The following KAT6B variants were observed in gnomAD, a reference collection of about 807,000 sequenced individuals.
The protein encoded by KAT6B is histone acetyltransferase KAT6B.
Under a neutral mutation model 187.5 loss-of-function variants are expected in KAT6B, and 10 were observed. That is an observed-to-expected ratio of 0.05 (90% CI 0.03 to 0.09). The LOEUF (loss-of-function observed/expected upper bound fraction) is 0.09, where lower values mean the gene tolerates loss of function less well. KAT6B is among the 10% of genes least tolerant of loss of function. The pLI is 1.00. For synonymous variants in KAT6B, 861 were observed against 926.8 expected, an observed-to-expected ratio of 0.93 and a Z score of 1.29; for missense variants, 1,952 against 2,558.9, an observed-to-expected ratio of 0.76 and a Z score of 5.12.
intron 3 of KAT6B, among the ~76,000 whole-genome samples, chr10:74,916,743 T>G (rs147494798): frequency 1.3e-5 from 2 of 152,126 alleles, no homozygotes; most frequent in East Asian, 3.9e-4. Flanking sequence ...AGTGTAGATA[T>G]GGCAGTGGTT....
At chr10:75,021,573 AATTG>A (rs1165682348) in intron 15 of KAT6B, among the ~76,000 whole-genome samples, 3 of 152,212 alleles carry the variant, frequency 2.0e-5, no homozygotes, top group Non-Finnish European at 4.4e-5. Context: ...CTGCAGTGTC[AATTG>A]ATTCTTTGTG....
At chr10:74,896,124 C>T (rs1211342464) in intron 3 of KAT6B, among the ~76,000 whole-genome samples, 1 of 152,110 alleles carries the variant, frequency 6.6e-6, no homozygotes, top group Non-Finnish European at 1.5e-5. Flanking sequence ...AGGTACAGCC[C>T]AGGTTAGCAC....
At chr10:74,977,926 G>A (rs1262176299) in intron 9 of KAT6B, among the ~76,000 whole-genome samples, 1 of 151,982 alleles carries the variant, frequency 6.6e-6, no homozygotes, top group Admixed American at 6.6e-5. Flanking sequence ...TATTTTTATT[G>A]TCCAGTAATT....
At chr10:74,840,351 A>G (rs1473064962) in intron 2 of KAT6B, among the ~76,000 whole-genome samples, 2 of 152,202 alleles carry the variant, frequency 1.3e-5, no homozygotes, top group African/African-American at 2.4e-5. Context: ...TGGAGGTAGC[A>G]TGGGGTTTTG....
chr10:74,842,457 C>T (rs1209275845), intron 2 of KAT6B, 143 bp from the exon 3 acceptor site: 3 of 444,330 alleles, frequency 6.8e-6, no homozygotes, highest in African/African-American at 2.0e-5. Context: ...AAAATATAGT[C>T]ACTGTGGCTG....
At chr10:74,921,038 G>A (rs566575020) in intron 3 of KAT6B, among the ~76,000 whole-genome samples, 1 of 150,716 alleles carries the variant, frequency 6.6e-6, no homozygotes, top group South Asian at 2.1e-4. Context: ...TTGATTTGTT[G>A]TGGATTTTTT....
At position 74,915,103 on chromosome 10, in the gene KAT6B, T is replaced by TA. The variant is rs1021505613; in HGVS notation, c.622-44857dup. Among the ~76,000 whole-genome samples, 197 of 150,856 alleles carry TA rather than the reference T, an allele frequency of 1.3e-3. 1 individual carries two copies. Among genetic ancestry groups the TA allele is most frequent in the African/African-American group, 4.4e-3 (180 of 41,186 alleles). ...CAATGGAGCAAAACCTTGTTTCCTT[T>TA]AAAAAAAAAATTTATTAAAACATGC... is the stretch of plus-strand genomic sequence containing the variant. On this transcript the variant is annotated intron_variant, in intron 3 of 17. Transcript: ENST00000287239.
At chr10:74,848,867 T>C (rs1467554458) in intron 3 of KAT6B, among the ~76,000 whole-genome samples, 1 of 152,252 alleles carries the variant, frequency 6.6e-6, no homozygotes, top group Admixed American at 6.5e-5. Flanking sequence ...TTGAAAAGAT[T>C]ATCATTGTTC....
intron 1 of KAT6B, among the ~76,000 whole-genome samples, chr10:74,832,831 A>G (rs1250077627): frequency 1.3e-5 from 2 of 151,818 alleles, no homozygotes; most frequent in Non-Finnish European, 2.9e-5. Flanking sequence ...TTTTTTAAAA[A>G]TCACATTTTT....
At chr10:75,026,585 A>G (rs181957906) in intron 17 of KAT6B, among the ~76,000 whole-genome samples, 1 of 151,246 alleles carries the variant, frequency 6.6e-6, no homozygotes, top group Non-Finnish European at 1.5e-5. Flanking sequence ...TGAAGGAATG[A>G]CTTCTTACCC....
intron 3 of KAT6B, among the ~76,000 whole-genome samples, chr10:74,916,582 G>A (rs1489273344): frequency 6.6e-6 from 1 of 152,110 alleles, no homozygotes; most frequent in Admixed American, 6.5e-5. Context: ...TGAGAGTTGT[G>A]TATTGCTATT....
At chr10:74,868,345 A>G (rs1843690008) in intron 3 of KAT6B, among the ~76,000 whole-genome samples, 1 of 152,178 alleles carries the variant, frequency 6.6e-6, no homozygotes. Flanking sequence ...ACTGGAATAA[A>G]TCTGCCATAT....
At chr10:74,898,524 C>T (rs1846145438) in intron 3 of KAT6B, among the ~76,000 whole-genome samples, 1 of 152,006 alleles carries the variant, frequency 6.6e-6, no homozygotes, top group Non-Finnish European at 1.5e-5. Flanking sequence ...GATCATTGCT[C>T]ACCATAGCCT....
At chr10:74,979,144 T>C (rs1842350184) in intron 9 of KAT6B, 80 bp from the exon 10 acceptor site, 2 of 921,926 alleles carry the variant, frequency 2.2e-6, no homozygotes, top group Admixed American at 4.0e-5. Flanking sequence ...TCTTGATAAG[T>C]TTTGATAGTC....
Position 75,031,808 on chromosome 10 carries a change from T to A in KAT6B, c.*762T>A, listed in dbSNP as rs976774694. 3 of 204,784 alleles carry A rather than the reference T, an allele frequency of 1.5e-5. No individual in the cohort carries two copies. Among genetic ancestry groups the A allele is most frequent in the Non-Finnish European group, 3.0e-5 (3 of 99,882 alleles). The allele number at this position is 204,784 out of a possible 1,614,324, so 12.7% of individuals were successfully genotyped here. ...TAAATGCAGACTTCTGTTTATTGAA[T>A]GAAGCATATCTCAGTGTTTATCTGT... On this transcript the variant is annotated 3_prime_UTR_variant, in exon 18 of 18. Coordinates refer to ENST00000287239, the MANE Select transcript of KAT6B (RefSeq NM_012330.4).
intron 3 of KAT6B, among the ~76,000 whole-genome samples, chr10:74,849,518 C>T (rs987359302): frequency 3.3e-5 from 5 of 152,012 alleles, no homozygotes; most frequent in Admixed American, 1.3e-4. Context: ...GTCTCGAACT[C>T]GTGATCTCAA....
chr10:74,856,684 A>T (rs1411689693), intron 3 of KAT6B, among the ~76,000 whole-genome samples: 3 of 152,068 alleles, frequency 2.0e-5, no homozygotes, highest in Non-Finnish European at 4.4e-5. Flanking sequence ...GGACTGATTG[A>T]GCTCAGAAGT....
At position 74,976,009 on chromosome 10, in the gene KAT6B, C is replaced by G; in HGVS notation, c.1672C>G (p.Arg558Gly). ...SHIYTTQGQS[R>G]KKGHPSYAPP... ...TATCTATACCACTCAGGGACAGTCT[C>G]GCAAAAAGGGACACCCGAGTTATGC... The change falls in exon 8 of 18, where the codon CGC becomes GGC. Residue 558 changes from arginine (R) to glycine (G), a missense_variant. Around this residue, in one of 9 missense-constraint regions of KAT6B, gnomAD observed 417 missense variants for 508.9 expected, o/e 0.82. Transcript: ENST00000287239. The G allele has an allele frequency of 6.2e-7, 1 of 1,614,066 alleles. No homozygotes were observed. The highest frequency in any genetic ancestry group is 8.5e-7 in the Non-Finnish European group (1 of 1,180,000).
At chr10:74,881,852 C>T (rs576406462) in intron 3 of KAT6B, among the ~76,000 whole-genome samples, 6 of 152,242 alleles carry the variant, frequency 3.9e-5, no homozygotes, top group African/African-American at 4.8e-5. Flanking sequence ...GCTGGGGTCT[C>T]GCTATGTTGC....
Sources: gnomAD v4.1 joint callset for allele counts (sites outside exome capture counted in the v4.1 genomes callset) on GRCh38, gnomAD v4.1.1 for gene constraint, gnomAD v4.1.1 regional missense constraint, MANE v1.5 for transcripts, NCBI Gene and HGNC (gene_info 2026-07-23, HGNC 2026-07-21) for gene names.